UBE2D2: variants seen among roughly 807,000 people sequenced by gnomAD.
UBE2D2 encodes ubiquitin-conjugating enzyme E2 D2.
Under a neutral mutation model 24.2 loss-of-function variants are expected in UBE2D2, and 2 were observed. The observed-to-expected ratio is 0.08, with a 90% CI of 0.03 to 0.26. The LOEUF is 0.26. Among genes scored for constraint, UBE2D2 ranks in the 10% least tolerant of loss-of-function variants. UBE2D2 has a pLI of 1.00. For missense variants in UBE2D2, 44 were observed against 177.6 expected (o/e 0.25, Z 4.28); for synonymous variants, 58 against 56.5 (o/e 1.03, Z -0.12).
rs1351053944 is a variant in UBE2D2, at chr5:139,584,726, T to A, written c.25-15646T>A. On this transcript the variant is annotated intron_variant, in intron 1 of 6. Coordinates refer to ENST00000398733, the MANE Select transcript of UBE2D2 (RefSeq NM_003339.3). ...TTTTGTATTTTTAGCAGAGACCGGG[T>A]TTCACCATGTTGGTCAGGCTGGTCT... Among the ~76,000 whole-genome samples, 6 of 151,562 alleles carry A rather than the reference T, an allele frequency of 4.0e-5. No individual in the cohort carries two copies. In the East Asian group the frequency reaches 9.7e-4, roughly 25 times the overall value.
At chr5:139,603,441 G>T (rs1401171646) in intron 2 of UBE2D2, among the ~76,000 whole-genome samples, 1 of 151,804 alleles carries the variant, frequency 6.6e-6, no homozygotes, top group Middle Eastern at 3.4e-3. Context: ...TGGCCAACAT[G>T]GTGAAACCCT....
At chr5:139,548,693 A>AAAAT (rs1384031848) in intron 1 of UBE2D2, among the ~76,000 whole-genome samples, 1 of 152,132 alleles carries the variant, frequency 6.6e-6, no homozygotes, top group Non-Finnish European at 1.5e-5. Flanking sequence ...CTTGTTATTT[A>AAAAT]ACCTCACAAT....
At chr5:139,549,968 T>C (rs1169337748) in intron 1 of UBE2D2, among the ~76,000 whole-genome samples, 1 of 152,194 alleles carries the variant, frequency 6.6e-6, no homozygotes, top group East Asian at 1.9e-4. Flanking sequence ...AGCTAAAGGA[T>C]TGTAAATACA....
At chr5:139,580,287 A>G (rs1473101171) in intron 1 of UBE2D2, among the ~76,000 whole-genome samples, 1 of 151,486 alleles carries the variant, frequency 6.6e-6, no homozygotes, top group Non-Finnish European at 1.5e-5. Flanking sequence ...CTGGTCTCGA[A>G]CTCCCGGGCT....
chr5:139,550,263 CAG>C (rs1397977517), intron 1 of UBE2D2, among the ~76,000 whole-genome samples: 2 of 152,178 alleles, frequency 1.3e-5, no homozygotes. Context: ...ATGCACCAAT[CAG>C]TGCTCTGTGT....
chr5:139,608,291 G>A (rs1281197337), intron 2 of UBE2D2, among the ~76,000 whole-genome samples: 2 of 151,976 alleles, frequency 1.3e-5, no homozygotes, highest in Non-Finnish European at 2.9e-5. Flanking sequence ...AAATTAGCCG[G>A]GTGAGGTGTT....
At chr5:139,592,748 A>G (rs1432739807) in intron 1 of UBE2D2, among the ~76,000 whole-genome samples, 3 of 150,812 alleles carry the variant, frequency 2.0e-5, no homozygotes, top group African/African-American at 7.3e-5. Context: ...GACTACAGGC[A>G]CGTGCCACGA....
At chr5:139,579,686 T>C (rs574773673) in intron 1 of UBE2D2, among the ~76,000 whole-genome samples, 1 of 152,188 alleles carries the variant, frequency 6.6e-6, no homozygotes, top group Non-Finnish European at 1.5e-5. Context: ...GCAGTTTTCA[T>C]GGACCAGGCA....
intron 1 of UBE2D2, among the ~76,000 whole-genome samples, chr5:139,596,394 A>G (rs1046247687): frequency 1.3e-5 from 2 of 149,110 alleles, no homozygotes; most frequent in Non-Finnish European, 3.0e-5. Context: ...CCTGGGTTCA[A>G]GCGATTCTCC....
intron 1 of UBE2D2, among the ~76,000 whole-genome samples, chr5:139,531,805 T>TACAAAAACAAAA (rs567156194): frequency 9.2e-5 from 14 of 151,460 alleles, no homozygotes; most frequent in African/African-American, 2.7e-4. Flanking sequence ...CTACAAAAAA[T>TACAAAAACAAAA]ACAAAAACAA....
At chr5:139,589,746 A>C (rs557506710) in intron 1 of UBE2D2, among the ~76,000 whole-genome samples, 1 of 152,202 alleles carries the variant, frequency 6.6e-6, no homozygotes, top group Non-Finnish European at 1.5e-5. Flanking sequence ...AACATTAACT[A>C]TAGGGTTGAC....
At chr5:139,561,982 C>T in intron 1 of UBE2D2, 167 bp downstream of exon 1, 1 of 1,023,872 alleles carries the variant, frequency 9.8e-7, no homozygotes, top group Non-Finnish European at 1.3e-6. Context: ...CCCGTGGAGG[C>T]CCCGGCGCGC....
At chr5:139,574,058 A>G (rs138195393) in intron 1 of UBE2D2, among the ~76,000 whole-genome samples, 13 of 152,070 alleles carry the variant, frequency 8.5e-5, no homozygotes, top group Non-Finnish European at 1.6e-4. Flanking sequence ...TTTAATATAT[A>G]ATAAGCTTCG....
At chr5:139,557,991 T>C (rs1253839899), upstream of UBE2D2, among the ~76,000 whole-genome samples, 2 of 151,806 alleles carry the variant, frequency 1.3e-5, no homozygotes, top group Non-Finnish European at 2.9e-5. Flanking sequence ...TTCCAGCTAC[T>C]CAGCGGGCTG....
intron 5 of UBE2D2, among the ~76,000 whole-genome samples, chr5:139,615,675 A>G (rs1754407470): frequency 6.6e-6 from 1 of 152,190 alleles, no homozygotes; most frequent in African/African-American, 2.4e-5. Flanking sequence ...CTTGAAGAAC[A>G]AAATATAGGT....
At chr5:139,551,197 T>C (rs1280557760) in intron 1 of UBE2D2, among the ~76,000 whole-genome samples, 1 of 152,000 alleles carries the variant, frequency 6.6e-6, no homozygotes, top group African/African-American at 2.4e-5. Context: ...TTACAAAAAA[T>C]TAGCTGGATG....
At chr5:139,621,109 A>C (rs1022698752) in intron 5 of UBE2D2, among the ~76,000 whole-genome samples, 2 of 152,172 alleles carry the variant, frequency 1.3e-5, no homozygotes, top group South Asian at 4.1e-4. Context: ...TTAGCTACAC[A>C]TGGTGGCACT....
At chr5:139,611,487 G>A (rs566148025) in intron 2 of UBE2D2, among the ~76,000 whole-genome samples, 37 of 151,998 alleles carry the variant, frequency 2.4e-4, no homozygotes, top group Admixed American at 5.2e-4. Flanking sequence ...CACACCCAGC[G>A]ACAAGTTTTA....
intron 2 of UBE2D2, among the ~76,000 whole-genome samples, chr5:139,605,463 G>T (rs1235555570): frequency 6.6e-6 from 1 of 151,650 alleles, no homozygotes; most frequent in Non-Finnish European, 1.5e-5. Context: ...TTGGTGGCAG[G>T]TGCCTGTAGT....
Sources: gnomAD v4.1 joint callset for allele counts (sites outside exome capture counted in the v4.1 genomes callset) on GRCh38, gnomAD v4.1.1 for gene constraint, MANE v1.5 for transcripts, NCBI Gene and HGNC (gene_info 2026-07-23, HGNC 2026-07-21) for gene names.